Variants in ANKRD35 observed in about 807,000 individuals in gnomAD.
ANKRD35 encodes the protein ankyrin repeat domain 35, also known as ankyrin repeat domain-containing protein 35.
Under a neutral mutation model 109.9 loss-of-function variants are expected in ANKRD35, and 102 were observed. That is an observed-to-expected ratio of 0.93 (90% CI 0.79 to 1.09). The LOEUF (loss-of-function observed/expected upper bound fraction) is 1.09. ANKRD35 is among the 50% of genes least tolerant of loss of function. The probability of loss-of-function intolerance (pLI) is 0.00; values close to 1 mark genes in which losing one functional copy is unlikely to be tolerated. For missense variants in ANKRD35, 1,240 were observed against 1,230.1 expected (o/e 1.01, Z -0.12); for synonymous variants, 515 against 512.4 (o/e 1.01, Z -0.07).
At chr1:145,877,860 G>A (rs1654138696) in intron 4 of ANKRD35, 108 bp downstream of exon 4, 4 of 1,037,226 alleles carry the variant, frequency 3.9e-6, no homozygotes, top group Non-Finnish European at 4.4e-6. Context: ...TATTGGGGAT[G>A]AGGCGAGTAC....
chr1:145,872,501 C>T lies in ANKRD35; in HGVS notation c.2268G>A (p.Gln756=). Residue 756 remains glutamine, a synonymous_variant, in exon 10 of 14, where the codon CAG becomes CAA. Coordinates refer to ENST00000355594, the MANE Select transcript of ANKRD35 (RefSeq NM_144698.5). ...TACACGGGGACAAGGACCCCCGCAA[C>T]TGCTGGTTTTCTTCTTGCAGCCGAG... ...VLARLQEENQ[Q]LRGSLSPCRE... is the part of the protein sequence containing the mutation. 1 of 1,601,176 alleles carries T rather than the reference C, an allele frequency of 6.2e-7. No homozygotes were observed. The highest frequency in any genetic ancestry group is 8.5e-7 in the Non-Finnish European group (1 of 1,174,202).
In ANKRD35 at chr1:145,873,136, G is replaced by A. The variant is rs140295711; in HGVS notation, c.1633C>T (p.Leu545=). ...EKMEARLERV[L]ARLEWAKAGL... Reference sequence around the variant, plus strand: ...GCCTTTGCCCATTCCAGCCTTGCCAGCACCCGCTCCAGTCGGGCTTCCATC... The same window carrying A: ...GCCTTTGCCCATTCCAGCCTTGCCAACACCCGCTCCAGTCGGGCTTCCATC... The change falls in exon 10 of 14, where the codon CTG becomes TTG. Residue 545 remains leucine, a synonymous_variant. Transcript: ENST00000355594. 6.2e-7 allele frequency: 1 copy of A among 1,614,026 alleles called. No homozygotes were observed.
In ANKRD35 at chr1:145,872,020, C is replaced by T. The variant is rs782812689; in HGVS notation, c.2749G>A (p.Glu917Lys). 1 of 1,613,108 alleles carries T rather than the reference C, an allele frequency of 6.2e-7. No individual in the cohort carries two copies. The highest frequency in any genetic ancestry group is 8.5e-7 in the Non-Finnish European group (1 of 1,179,972). Reference sequence around the variant, plus strand: ...TCTCGGCAAGCCCCAATGAGATGCTCCATCTTCTCTTTCAGCAGCTCTGCC... The same window carrying T: ...TCTCGGCAAGCCCCAATGAGATGCTTCATCTTCTCTTTCAGCAGCTCTGCC... ...KTAELLKEKM[E>K]HLIGACRDKE... The change falls in exon 10 of 14, where the codon GAG becomes AAG. Residue 917 changes from glutamate to lysine, a missense_variant. By Grantham distance (56) the Glu-to-Lys change is moderately conservative (BLOSUM62 1). Transcript: ENST00000355594.
Position 145,885,848 on chromosome 1 carries a change from G to C in ANKRD35, c.-90C>G. 2 of 999,702 alleles carry C rather than the reference G, an allele frequency of 2.0e-6. No homozygotes were observed. Among genetic ancestry groups the C allele is most frequent in the Non-Finnish European group, 3.2e-6 (2 of 631,798 alleles). 61.9% of individuals were successfully genotyped at this position (999,702 alleles called of 1,614,324 possible). On this transcript the variant is annotated 5_prime_UTR_variant, in exon 1 of 14. Transcript: ENST00000355594. ...ACCGGACTTGGCTGCGGCTGTGCAA[G>C]AGACAGCTGTCAAAAAGCAGAGCGG...
At chr1:145,881,705 TAAC>T (rs1223456171) in intron 1 of ANKRD35, among the ~76,000 whole-genome samples, 3 of 152,190 alleles carry the variant, frequency 2.0e-5, no homozygotes, top group Non-Finnish European at 4.4e-5. Context: ...TTTAGGCATG[TAAC>T]AACATCTCTG....
rs1559177109 is a variant in ANKRD35 at position 145,879,335 on chromosome 1, C to T, written c.93G>A (p.Gly31=). The T allele has an allele frequency of 6.2e-7, 1 of 1,609,102 alleles. No homozygotes were observed. Among genetic ancestry groups the T allele is most frequent in the South Asian group, 1.1e-5 (1 of 90,164 alleles). Residue 31 remains glycine (G), a synonymous_variant, in exon 2 of 14, where the codon GGG becomes GGA. Coordinates refer to ENST00000355594, the MANE Select transcript of ANKRD35 (RefSeq NM_144698.5). ...DQKLLEAVHR[G]DVGRVAALAS... ...CCAGGGCAGCCACGCGTCCCACATCCCCCCTGTGCACTGCCTCCAGCAGCT... is the reference window on the plus strand; with the variant it reads ...CCAGGGCAGCCACGCGTCCCACATCTCCCCTGTGCACTGCCTCCAGCAGCT...
At chr1:145,875,047 G>A (rs2101709872) in intron 7 of ANKRD35, 41 bp from the exon 8 acceptor site, 1 of 1,535,602 alleles carries the variant, frequency 6.5e-7, no homozygotes, top group Non-Finnish European at 8.8e-7. Context: ...TTTCCACATG[G>A]AACCCAGAAG....
At chr1:145,885,041 G>A (rs147631993) in intron 1 of ANKRD35, among the ~76,000 whole-genome samples, 90 of 152,340 alleles carry the variant, frequency 5.9e-4, no homozygotes, top group African/African-American at 2.1e-3. Context: ...GCAGAGTAGG[G>A]CAGAGGTTGG....
At chr1:145,866,806 T>C (rs1161683138) in intron 13 of ANKRD35, 41 bp from the exon 14 acceptor site, 1 of 152,770 alleles carries the variant, frequency 6.5e-6, no homozygotes, top group East Asian at 1.9e-4. Flanking sequence ...CCCACTTCCA[T>C]ATCCTCAGTC....
At position 145,872,827 on chromosome 1, in the gene ANKRD35, G is replaced by A; in HGVS notation, c.1942C>T (p.Leu648=). The change falls in exon 10 of 14, where the codon CTG becomes TTG. Residue 648 remains leucine (L), a synonymous_variant. Coordinates refer to ENST00000355594, the MANE Select transcript of ANKRD35 (RefSeq NM_144698.5). The part of the protein sequence containing the change: ...RQRLQRELQS[L]SQRLQREFVP... ...AACTCCCGCTGCAGCCGCTGGCTCAGGGACTGTAGCTCCCTCTGCAACCTC... is the reference window on the plus strand; with the variant it reads ...AACTCCCGCTGCAGCCGCTGGCTCAAGGACTGTAGCTCCCTCTGCAACCTC... 1 of 1,614,134 alleles carries A rather than the reference G, an allele frequency of 6.2e-7. No individual in the cohort carries two copies. Among genetic ancestry groups the A allele is most frequent in the Non-Finnish European group, 8.5e-7 (1 of 1,180,030 alleles).
At chr1:145,878,188 G>A (rs1054228083) in intron 3 of ANKRD35, among the ~76,000 whole-genome samples, 156 bp from the exon 4 acceptor site, 10 of 152,182 alleles carry the variant, frequency 6.6e-5, no homozygotes, top group Admixed American at 3.9e-4. Context: ...CAAGTGCCTG[G>A]TACCTGTGAT....
chr1:145,874,161 T>A lies in ANKRD35; in HGVS notation c.777A>T (p.Ala259=), dbSNP rs782324234. ...GAGGCACTTAGGGTCTTACCTGGGA[T>A]GCGAGATCTGGGTGCTGGACTAGCC... ...GQRLVQHPDL[A]SQASPSEPQA... Residue 259 remains alanine (A), a synonymous_variant, in exon 9 of 14, where the codon GCA becomes GCT. Coordinates refer to ENST00000355594, the MANE Select transcript of ANKRD35 (RefSeq NM_144698.5). 1 of 1,614,132 alleles carries A rather than the reference T, an allele frequency of 6.2e-7. No homozygotes were observed. The highest frequency in any genetic ancestry group is 8.5e-7 in the Non-Finnish European group (1 of 1,180,000).
intron 10 of ANKRD35, among the ~76,000 whole-genome samples, 190 bp downstream of exon 10, chr1:145,871,792 A>G (rs1274601244): frequency 6.6e-6 from 1 of 151,522 alleles, no homozygotes; most frequent in Non-Finnish European, 1.5e-5. Context: ...ACCTTACCTC[A>G]CCTCCAATCT....
chr1:145,877,781 A>C (rs587659817), intron 4 of ANKRD35, among the ~76,000 whole-genome samples, 187 bp downstream of exon 4: 1 of 152,356 alleles, frequency 6.6e-6, no homozygotes, highest in East Asian at 1.9e-4. Flanking sequence ...CCTCAAAGGC[A>C]CTATCAAACA....
chr1:145,885,295 G>T (rs1553741697), intron 1 of ANKRD35, among the ~76,000 whole-genome samples: 2 of 152,118 alleles, frequency 1.3e-5, no homozygotes, highest in Non-Finnish European at 2.9e-5. Flanking sequence ...GGACAGGGCA[G>T]GGATGAAATA....
rs143292980 is a variant in ANKRD35 at position 145,870,922 on chromosome 1, A to G, written c.2787+1060T>C. Among the ~76,000 whole-genome samples, 321 of 151,908 alleles carry G rather than the reference A, an allele frequency of 2.1e-3. 2 individuals carry two copies. The highest frequency in any genetic ancestry group is 7.2e-3 in the African/African-American group (300 of 41,462). ...ATGCCCGGCCTTTTTATATTTTTTAATCATTCTAAATTTGACCATGTATCC... is the reference window on the plus strand; with the variant it reads ...ATGCCCGGCCTTTTTATATTTTTTAGTCATTCTAAATTTGACCATGTATCC... On this transcript the variant is annotated intron_variant, in intron 10 of 13. Coordinates refer to ENST00000355594, the MANE Select transcript of ANKRD35 (RefSeq NM_144698.5).
In ANKRD35 at chr1:145,876,812, A is replaced by T; in HGVS notation, c.382+4T>A. ...CCCTGTTCCCATGAGTCCCCTGCAC[A>T]CACCTGCCCAGTGCAATGGACTACG... On this transcript the variant is annotated splice_donor_region_variant and intron_variant, in intron 5 of 13. Coordinates refer to ENST00000355594, the MANE Select transcript of ANKRD35 (RefSeq NM_144698.5). The T allele has an allele frequency of 6.2e-7, 1 of 1,613,956 alleles. No individual in the cohort carries two copies. The highest frequency in any genetic ancestry group is 2.2e-5 in the East Asian group (1 of 44,884).
intron 7 of ANKRD35, 86 bp downstream of exon 7, chr1:145,876,054 A>AAC (rs374630197): frequency 6.7e-4 from 747 of 1,107,252 alleles, no homozygotes; most frequent in East Asian, 7.6e-4. Context: ...AACACACACA[A>AAC]ACACACACAC....
chr1:145,872,447 T>C lies in ANKRD35; in HGVS notation c.2322A>G (p.Pro774=), dbSNP rs782755592. ...CREPGTSLKA[P]ASPQVAALEQ... is the part of the protein sequence containing the mutation. ...CCAGAGCGGCCACTTGGGGGGATGCTGGGGCCTTTAAGGAGGTGCCTGGCT... is the reference window on the plus strand; with the variant it reads ...CCAGAGCGGCCACTTGGGGGGATGCCGGGGCCTTTAAGGAGGTGCCTGGCT... Residue 774 remains proline (P), a synonymous_variant, in exon 10 of 14, where the codon CCA becomes CCG. Coordinates refer to ENST00000355594, the MANE Select transcript of ANKRD35 (RefSeq NM_144698.5). 1.2e-6 allele frequency: 2 copies of C among 1,608,936 alleles called. No individual in the cohort carries two copies. The highest frequency in any genetic ancestry group is 2.2e-5 in the South Asian group (2 of 90,222).
Sources: gnomAD v4.1 joint callset for allele counts (sites outside exome capture counted in the v4.1 genomes callset) on GRCh38, gnomAD v4.1.1 for gene constraint, MANE v1.5 for transcripts, NCBI Gene and HGNC (gene_info 2026-07-23, HGNC 2026-07-21) for gene names.